The following MLEC variants were observed in gnomAD, a reference collection of about 807,000 sequenced individuals.
The protein encoded by MLEC is oligosaccharyltransferase complex subunit (non-catalytic).
Under a neutral mutation model 28.7 loss-of-function variants are expected in MLEC, and 7 were observed. That is an observed-to-expected ratio of 0.24 (90% CI 0.14 to 0.46). The LOEUF is 0.46. Among genes scored for constraint, MLEC ranks in the 20% least tolerant of loss-of-function variants. The pLI is 0.99. For missense variants in MLEC, 237 were observed against 391.1 expected (o/e 0.61, Z 3.32); for synonymous variants, 142 against 164.4 (o/e 0.86, Z 1.04).
rs953492238 is a variant in MLEC, at chr12:120,697,421, CT to C, written c.*877del. The C allele has an allele frequency of 6.6e-6, 1 of 152,646 alleles. No individual in the cohort carries two copies. The highest frequency in any genetic ancestry group is 1.5e-5 in the Non-Finnish European group (1 of 68,056). 9.5% of individuals were successfully genotyped at this position (152,646 alleles called of 1,614,324 possible). On this transcript the variant is annotated 3_prime_UTR_variant, in exon 5 of 5. Transcript: ENST00000228506. This position sits in a 1 kb window ranked among gnomAD's most constrained non-coding sequence, Gnocchi z 4.8. Reference sequence around the variant, plus strand: ...AGGAGACACGGGGATTTGGGGTTCTCTGCTTGAATGTCTTCTCCTTTACCAC... The same window carrying C: ...AGGAGACACGGGGATTTGGGGTTCTCGCTTGAATGTCTTCTCCTTTACCAC...
chr12:120,700,710 T>A lies in MLEC; in HGVS notation c.*4165T>A, dbSNP rs1882414016. On this transcript the variant is annotated 3_prime_UTR_variant, in exon 5 of 5. Coordinates refer to ENST00000228506, the MANE Select transcript of MLEC (RefSeq NM_014730.4). The surrounding 1 kb of genome is among the most constrained non-coding windows in gnomAD (Gnocchi z 4.0). ...GATCAGAGCAATTTTTCTCTTTCAGTCCAAACTAAGACTCTCTGTATTTAA... is the reference window on the plus strand; with the variant it reads ...GATCAGAGCAATTTTTCTCTTTCAGACCAAACTAAGACTCTCTGTATTTAA... 1 of 152,236 alleles carries A rather than the reference T, an allele frequency of 6.6e-6. No homozygotes were observed. The highest frequency in any genetic ancestry group is 2.1e-4 in the South Asian group (1 of 4,834). The allele number at this position is 152,236 out of a possible 1,614,324, so 9.4% of individuals were successfully genotyped here. A position where few individuals can be genotyped will look rare whatever the true frequency, so the allele number is the denominator to read the frequency against.
chr12:120,691,073 G>C (rs1882018119), intron 1 of MLEC, among the ~76,000 whole-genome samples: 1 of 152,208 alleles, frequency 6.6e-6, no homozygotes. Context: ...AGCACCAAGG[G>C]GGGCTTTACA....
rs1882304708 is a variant in MLEC, at chr12:120,698,038, C to G, written c.*1493C>G. The G allele has an allele frequency of 6.6e-6, 1 of 152,136 alleles. No homozygotes were observed. Among genetic ancestry groups the G allele is most frequent in the Non-Finnish European group, 1.5e-5 (1 of 68,022 alleles). The allele number at this position is 152,136 out of a possible 1,614,324, so 9.4% of individuals were successfully genotyped here. On this transcript the variant is annotated 3_prime_UTR_variant, in exon 5 of 5. Transcript: ENST00000228506. ...GCTTCCCTGGTCCCCTCCTTTCTGG[C>G]CATTGTCATCCATTTCCCAGTTAGG... is the stretch of plus-strand genomic sequence containing the variant.
At chr12:120,688,030 C>T (rs886215054) in intron 1 of MLEC, among the ~76,000 whole-genome samples, 1 of 152,168 alleles carries the variant, frequency 6.6e-6, no homozygotes. Context: ...GTAGCCTCCT[C>T]CCCCGCCCTC....
intron 1 of MLEC, among the ~76,000 whole-genome samples, chr12:120,688,027 C>T (rs536019616): frequency 1.5e-4 from 23 of 152,256 alleles, no homozygotes; most frequent in Non-Finnish European, 2.5e-4. Context: ...ATTGTAGCCT[C>T]CTCCCCCGCC....
rs1881892117 is a variant in MLEC, at chr12:120,687,980, G to A, written c.235+449G>A. Among the ~76,000 whole-genome samples, 1 of 152,192 alleles carries A rather than the reference G, an allele frequency of 6.6e-6. No homozygotes were observed. The highest frequency in any genetic ancestry group is 6.5e-5 in the Admixed American group (1 of 15,280). On this transcript the variant is annotated intron_variant, in intron 1 of 4. Coordinates refer to ENST00000228506, the MANE Select transcript of MLEC (RefSeq NM_014730.4). This position sits in a 1 kb window ranked among gnomAD's most constrained non-coding sequence, Gnocchi z 8.1. ...GGGGCTTGATTCTTAGCCAGAATAGGAAGGAATCTTCGAAGAGAATGGGCC... is the reference window on the plus strand; with the variant it reads ...GGGGCTTGATTCTTAGCCAGAATAGAAAGGAATCTTCGAAGAGAATGGGCC...
At position 120,696,172 on chromosome 12, in the gene MLEC, G is replaced by A; in HGVS notation, c.650-144G>A. Reference sequence around the variant, plus strand: ...CAGCACTCTGCTGTTCTGTAGACCAGAGGCTATTTCTGCTACTTCTGGTCT... The same window carrying A: ...CAGCACTCTGCTGTTCTGTAGACCAAAGGCTATTTCTGCTACTTCTGGTCT... On this transcript the variant is annotated intron_variant, in intron 4 of 4. Coordinates refer to ENST00000228506, the MANE Select transcript of MLEC (RefSeq NM_014730.4). The surrounding 1 kb of genome is among the most constrained non-coding windows in gnomAD (Gnocchi z 5.4). 9.9e-7 allele frequency: 1 copy of A among 1,009,676 alleles called. No homozygotes were observed. Among genetic ancestry groups the A allele is most frequent in the Non-Finnish European group, 1.5e-6 (1 of 681,358 alleles). 62.5% of individuals were successfully genotyped at this position (1,009,676 alleles called of 1,614,324 possible).
At chr12:120,693,333 C>T (rs1882108090) in intron 1 of MLEC, among the ~76,000 whole-genome samples, 2 of 152,142 alleles carry the variant, frequency 1.3e-5, no homozygotes, top group Admixed American at 1.3e-4. Flanking sequence ...GTATGAGTGG[C>T]GACTATGTGC....
intron 1 of MLEC, among the ~76,000 whole-genome samples, chr12:120,691,357 G>C (rs1490865914): frequency 6.6e-6 from 1 of 152,192 alleles, no homozygotes; most frequent in Non-Finnish European, 1.5e-5. Flanking sequence ...GGGATAGGTG[G>C]TGTCCCCATT....
In MLEC at chr12:120,687,544, C is replaced by T. The variant is rs755293489; in HGVS notation, c.235+13C>T. On this transcript the variant is annotated intron_variant, in intron 1 of 4. Coordinates refer to ENST00000228506, the MANE Select transcript of MLEC (RefSeq NM_014730.4). This position sits in a 1 kb window ranked among gnomAD's most constrained non-coding sequence, Gnocchi z 8.1. ...CGGGTGGGCCGAGGTGAGAGTCCCC[C>T]TGCCGAGCCGCGGGATCCAGGGCCT... 2.9e-5 allele frequency: 43 copies of T among 1,491,798 alleles called. No homozygotes were observed. The African/African-American group carries it at 5.0e-4, about 17-fold the overall frequency. The allele number at this position is 1,491,798 out of a possible 1,614,324, so 92.4% of individuals were successfully genotyped here.
chr12:120,687,617 T>C lies in MLEC; in HGVS notation c.235+86T>C. On this transcript the variant is annotated intron_variant, in intron 1 of 4. Coordinates refer to ENST00000228506, the MANE Select transcript of MLEC (RefSeq NM_014730.4). This position sits in a 1 kb window ranked among gnomAD's most constrained non-coding sequence, Gnocchi z 8.1. Reference sequence around the variant, plus strand: ...GGGGGCTGCGGGCCCCGAGCCCCTTTCGACCCTGGGGCCGCGTCTCTGGAG... The same window carrying C: ...GGGGGCTGCGGGCCCCGAGCCCCTTCCGACCCTGGGGCCGCGTCTCTGGAG... 1 of 1,099,516 alleles carries C rather than the reference T, an allele frequency of 9.1e-7. No individual in the cohort carries two copies. The allele number at this position is 1,099,516 out of a possible 1,614,324, so 68.1% of individuals were successfully genotyped here. A position where few individuals can be genotyped will look rare whatever the true frequency, so the allele number is the denominator to read the frequency against.
chr12:120,694,155 A>G lies in MLEC; in HGVS notation c.300A>G (p.Gln100=), dbSNP rs201657904. The G allele has an allele frequency of 3.6e-5, 58 of 1,614,094 alleles. No homozygotes were observed. Among genetic ancestry groups the G allele is most frequent in the Non-Finnish European group, 4.8e-5 (57 of 1,180,036 alleles). The change falls in exon 2 of 5, where the codon CAA becomes CAG. Residue 100 remains glutamine, a synonymous_variant. Transcript: ENST00000228506. This position sits in a 1 kb window ranked among gnomAD's most constrained non-coding sequence, Gnocchi z 4.5. ...ACCCTGAGGACCAGATCCTGTATCA[A>G]ACTGAGCGGTACAATGAGGAGACCT... is the stretch of plus-strand genomic sequence containing the variant. ...RSNPEDQILY[Q]TERYNEETFG... is the part of the protein sequence containing the mutation.
intron 3 of MLEC, 37 bp downstream of exon 3, chr12:120,695,037 G>C (rs556543096): frequency 6.2e-7 from 1 of 1,614,002 alleles, no homozygotes; most frequent in African/African-American, 1.3e-5. Flanking sequence ...GAAGAGAGTG[G>C]GTACAGGGGA....
rs1372154944 is a variant in MLEC at position 120,687,513 on chromosome 12, G to A, written c.217G>A (p.Glu73Lys). The A allele has an allele frequency of 6.7e-7, 1 of 1,490,502 alleles. No individual in the cohort carries two copies. Among genetic ancestry groups the A allele is most frequent in the Non-Finnish European group, 8.9e-7 (1 of 1,120,898 alleles). 92.3% of individuals were successfully genotyped at this position (1,490,502 alleles called of 1,614,324 possible). A position where few individuals can be genotyped will look rare whatever the true frequency, so the allele number is the denominator to read the frequency against. ...GATCCACTTCCGCAAGGACCCTTTG[G>A]AAGGCCGGGTGGGCCGAGGTGAGAG... Reference protein sequence around the residue: ...HGIHFRKDPLEGRVGRASDYG... With the variant: ...HGIHFRKDPLKGRVGRASDYG... The change falls in exon 1 of 5, where the codon GAA becomes AAA. Residue 73 changes from glutamate (E) to lysine (K), a missense_variant. Transcript: ENST00000228506. This position sits in a 1 kb window ranked among gnomAD's most constrained non-coding sequence, Gnocchi z 8.1.
At position 120,694,479 on chromosome 12, in the gene MLEC, G is replaced by A. The variant is rs1440152482; in HGVS notation, c.414+210G>A. ...AGAATCCTTGTTTTGCCAACTAACT[G>A]ATCCTGTTAAGGCCCTCCTGGCTAC... On this transcript the variant is annotated intron_variant, in intron 2 of 4. Transcript: ENST00000228506. This position sits in a 1 kb window ranked among gnomAD's most constrained non-coding sequence, Gnocchi z 4.5. 6.6e-6 allele frequency among the ~76,000 whole-genome samples: 1 copy of A among 152,216 alleles called. No homozygotes were observed. Among genetic ancestry groups the A allele is most frequent in the Non-Finnish European group, 1.5e-5 (1 of 68,038 alleles).
chr12:120,696,553 T>A lies in MLEC; in HGVS notation c.*8T>A, dbSNP rs1212283604. 2 of 1,614,072 alleles carry A rather than the reference T, an allele frequency of 1.2e-6. No individual in the cohort carries two copies. The highest frequency in any genetic ancestry group is 3.3e-5 in the Admixed American group (2 of 60,016). ...TGCCTCTGCCGGTTGTGAGAACAAA[T>A]GACTATCCTGAACAGGGTGGAGGGG... On this transcript the variant is annotated 3_prime_UTR_variant, in exon 5 of 5. Transcript: ENST00000228506. This position sits in a 1 kb window ranked among gnomAD's most constrained non-coding sequence, Gnocchi z 5.4.
intron 1 of MLEC, among the ~76,000 whole-genome samples, chr12:120,692,653 T>G (rs1293882092): frequency 6.6e-6 from 1 of 150,558 alleles, no homozygotes; most frequent in African/African-American, 2.5e-5. Flanking sequence ...ATTCAGAAGA[T>G]AAAGCTCTGG....
At chr12:120,691,608 T>C (rs1225928887) in intron 1 of MLEC, among the ~76,000 whole-genome samples, 1 of 152,266 alleles carries the variant, frequency 6.6e-6, no homozygotes, top group Non-Finnish European at 1.5e-5. Context: ...TCTGTTTCGC[T>C]GTGAATGCAT....
rs2137426425 is a variant in MLEC at position 120,700,785 on chromosome 12, G to C, written c.*4240G>C. ...ATTTCCTCATTTTGTTATGAGACTA[G>C]ATTGGTACCAGTAGATCAGCTGCCT... On this transcript the variant is annotated 3_prime_UTR_variant, in exon 5 of 5. Transcript: ENST00000228506. The surrounding 1 kb of genome is among the most constrained non-coding windows in gnomAD (Gnocchi z 4.0). 6.6e-6 allele frequency: 1 copy of C among 152,344 alleles called. No homozygotes were observed. Among genetic ancestry groups the C allele is most frequent in the South Asian group, 2.1e-4 (1 of 4,832 alleles). 9.4% of individuals were successfully genotyped at this position (152,344 alleles called of 1,614,324 possible).
Sources: gnomAD v4.1 joint callset for allele counts (sites outside exome capture counted in the v4.1 genomes callset) on GRCh38, gnomAD v4.1.1 for gene constraint, Gnocchi (gnomAD v3.1) non-coding constraint, MANE v1.5 for transcripts, NCBI Gene and HGNC (gene_info 2026-07-23, HGNC 2026-07-21) for gene names.